The following ARMC9 variants were observed in gnomAD, a reference collection of about 807,000 sequenced individuals.
ARMC9 encodes lisH domain-containing protein ARMC9.
Under a neutral mutation model 107.0 loss-of-function variants are expected in ARMC9, and 94 were observed. The observed-to-expected ratio is 0.88, with a 90% CI of 0.74 to 1.04. The LOEUF (loss-of-function observed/expected upper bound fraction) is 1.04, where lower values mean the gene tolerates loss of function less well. Among genes scored for constraint, ARMC9 ranks in the 50% least tolerant of loss-of-function variants. ARMC9 has a pLI of 0.00. For synonymous variants in ARMC9, 380 were observed against 396.9 expected, an observed-to-expected ratio of 0.96 and a Z score of 0.51; for missense variants, 942 against 1,030.1, an observed-to-expected ratio of 0.91 and a Z score of 1.17.
intron 6 of ARMC9, 31 bp downstream of exon 6, chr2:231,222,851 A>G (rs1427681034): frequency 5.6e-6 from 8 of 1,423,710 alleles, no homozygotes; most frequent in Middle Eastern, 1.8e-4. Context: ...GAGACCACCT[A>G]TGGTTTTAGA....
At chr2:231,234,107 A>G (rs959454283) in intron 7 of ARMC9, among the ~76,000 whole-genome samples, 2 of 152,254 alleles carry the variant, frequency 1.3e-5, no homozygotes, top group African/African-American at 2.4e-5. Context: ...AACCTGTTCT[A>G]CAATGAAGAC....
intron 20 of ARMC9, among the ~76,000 whole-genome samples, chr2:231,343,228 C>T (rs150089925): frequency 6.6e-6 from 1 of 151,788 alleles, no homozygotes; most frequent in East Asian, 1.9e-4. Context: ...CAGGTTTTGA[C>T]CCCACCTGTC....
chr2:231,219,873 A>G (rs994719087), intron 5 of ARMC9, among the ~76,000 whole-genome samples: 1 of 151,978 alleles, frequency 6.6e-6, no homozygotes, highest in South Asian at 2.1e-4. Context: ...GTCTCACTCT[A>G]TCCCCCAGGC....
At chr2:231,270,911 C>T (rs1389599757) in intron 12 of ARMC9, 71 bp from the exon 13 acceptor site, 1 of 1,307,166 alleles carries the variant, frequency 7.7e-7, no homozygotes, top group Non-Finnish European at 1.1e-6. Flanking sequence ...AACTACCAGA[C>T]CCGAAGAGGA....
chr2:231,344,718 G>A (rs114195830), intron 20 of ARMC9, among the ~76,000 whole-genome samples: 4,386 of 152,106 alleles, frequency 0.029, 89 homozygotes, highest in Non-Finnish European at 0.041. Context: ...TAGATCAACC[G>A]CTTTCTTCCT....
At chr2:231,257,584 C>T (rs139065146) in intron 10 of ARMC9, among the ~76,000 whole-genome samples, 54 of 152,322 alleles carry the variant, frequency 3.5e-4, no homozygotes, top group African/African-American at 1.3e-3. Context: ...AGCAGTATCA[C>T]TGCACAGACT....
chr2:231,365,437 C>G (rs137882670), intron 23 of ARMC9, among the ~76,000 whole-genome samples: 1 of 152,102 alleles, frequency 6.6e-6, no homozygotes, highest in Non-Finnish European at 1.5e-5. Context: ...GAGTCATAAT[C>G]CGGCTGCTAA....
chr2:231,291,666 A>C (rs1025980503), intron 18 of ARMC9, among the ~76,000 whole-genome samples: 1 of 151,982 alleles, frequency 6.6e-6, no homozygotes, highest in Non-Finnish European at 1.5e-5. Context: ...AAATACAAAA[A>C]TTAGCCAGGT....
chr2:231,348,044 A>T (rs1185831966), intron 21 of ARMC9, among the ~76,000 whole-genome samples: 1 of 152,242 alleles, frequency 6.6e-6, no homozygotes, highest in Non-Finnish European at 1.5e-5. Context: ...TAGTAATTTT[A>T]TATGTTAAGA....
At chr2:231,229,401 T>A (rs2034994873) in intron 7 of ARMC9, among the ~76,000 whole-genome samples, 1 of 152,248 alleles carries the variant, frequency 6.6e-6, no homozygotes, top group Non-Finnish European at 1.5e-5. Flanking sequence ...TACCAGAAGC[T>A]TTTAAAGAAG....
At chr2:231,202,319 CTTTTTTT>C (rs745728209) in intron 1 of ARMC9, among the ~76,000 whole-genome samples, 2 of 123,874 alleles carry the variant, frequency 1.6e-5, no homozygotes, top group African/African-American at 5.9e-5. Context: ...TCTTGTTTCA[CTTTTTTT>C]TTTTTTTTTT....
Position 231,348,300 on chromosome 2 carries a change from C to T in ARMC9, c.1994+3210C>T, listed in dbSNP as rs138616871. 3.1e-3 allele frequency among the ~76,000 whole-genome samples: 471 copies of T among 152,206 alleles called. 2 individuals are homozygous for T. The highest frequency in any genetic ancestry group is 0.011 in the African/African-American group (448 of 41,518). On this transcript the variant is annotated intron_variant, in intron 21 of 24. Transcript: ENST00000611582. ...GTCTGAGTGACGCAAGGCCATGAGC[C>T]GAGGAATGCAGACACCCTCTAGAAA...
rs929142638 is a variant in ARMC9, at chr2:231,373,100, T to A, written c.*1565T>A. 5 of 152,218 alleles carry A rather than the reference T, an allele frequency of 3.3e-5. No homozygotes were observed. The highest frequency in any genetic ancestry group is 1.2e-4 in the African/African-American group (5 of 41,448). The allele number at this position is 152,218 out of a possible 1,614,324, so 9.4% of individuals were successfully genotyped here. On this transcript the variant is annotated 3_prime_UTR_variant, in exon 25 of 25. Coordinates refer to ENST00000611582, the MANE Select transcript of ARMC9 (RefSeq NM_001352754.2). This position sits in a 1 kb window ranked among gnomAD's most constrained non-coding sequence, Gnocchi z 4.4. ...GTTCTCTGGAAATGTGTCCACTCTG[T>A]GCTCAGGGAAGAAGGCTGCCGTCCT...
chr2:231,297,609 G>A lies in ARMC9; in HGVS notation c.1773+1356G>A, dbSNP rs1241568446. 6.6e-6 allele frequency among the ~76,000 whole-genome samples: 1 copy of A among 152,150 alleles called. No individual in the cohort carries two copies. The highest frequency in any genetic ancestry group is 1.5e-5 in the Non-Finnish European group (1 of 68,022). ...TTTGAATTTCATACAATTTTTGCAT[G>A]TCATTAAATATTCTTTCAAATACTT... On this transcript the variant is annotated intron_variant, in intron 19 of 24. Transcript: ENST00000611582. This position sits in a 1 kb window ranked among gnomAD's most constrained non-coding sequence, Gnocchi z 4.2.
chr2:231,235,114 G>A, intron 7 of ARMC9, 110 bp from the exon 8 acceptor site: 3 of 1,219,086 alleles, frequency 2.5e-6, no homozygotes, highest in Non-Finnish European at 3.4e-6. Flanking sequence ...CCAGTTTATT[G>A]TTACAAGAAA....
rs913107983 is a variant in ARMC9 at position 231,371,590 on chromosome 2, C to T, written c.*55C>T. The T allele has an allele frequency of 5.7e-6, 7 of 1,228,308 alleles. No homozygotes were observed. The highest frequency in any genetic ancestry group is 4.2e-5 in the Admixed American group (1 of 23,848). The allele number at this position is 1,228,308 out of a possible 1,614,324, so 76.1% of individuals were successfully genotyped here. ...CCGGAGGACCAGCCAGCTTCCCGCT[C>T]TCAGCTGGCAGCAGCTGCCGGTGAT... On this transcript the variant is annotated 3_prime_UTR_variant, in exon 25 of 25. Transcript: ENST00000611582.
chr2:231,333,722 A>T (rs1419544123), intron 20 of ARMC9, among the ~76,000 whole-genome samples: 1 of 152,168 alleles, frequency 6.6e-6, no homozygotes, highest in African/African-American at 2.4e-5. Context: ...GCACGTGTTG[A>T]TACCTGTTGA....
intron 19 of ARMC9, among the ~76,000 whole-genome samples, chr2:231,310,784 A>G (rs1337615215): frequency 6.6e-6 from 1 of 151,946 alleles, no homozygotes; most frequent in South Asian, 2.1e-4. Context: ...TGCTAGGGGC[A>G]GTCCAATCTT....
chr2:231,328,074 G>A (rs2043454780), intron 19 of ARMC9, among the ~76,000 whole-genome samples: 1 of 152,120 alleles, frequency 6.6e-6, no homozygotes. Flanking sequence ...ATAACCCACT[G>A]CTCCTGGCCT....
Sources: allele counts gnomAD v4.1 joint callset (sites outside exome capture counted in the v4.1 genomes callset), GRCh38; gene constraint gnomAD v4.1.1; non-coding constraint Gnocchi (gnomAD v3.1); transcripts MANE v1.5; gene names NCBI Gene and HGNC (gene_info 2026-07-23, HGNC 2026-07-21).